Variants in PSMD14 observed in about 807,000 individuals in gnomAD.
PSMD14 encodes proteasome 26S subunit, non-ATPase 14.
A neutral mutation model predicts 41.2 loss-of-function variants in PSMD14; 7 were observed. The ratio of observed to expected loss-of-function variants is 0.17; its 90% CI spans 0.10 to 0.32. PSMD14 has a LOEUF of 0.32. PSMD14 is among the 10% of genes least tolerant of loss of function. The pLI is 1.00. For missense variants in PSMD14, 139 were observed against 375.6 expected (o/e 0.37, Z 5.21); for synonymous variants, 114 against 122.3 (o/e 0.93, Z 0.45).
At chr2:161,337,050 A>T (rs1374502663) in intron 3 of PSMD14, among the ~76,000 whole-genome samples, 1 of 152,224 alleles carries the variant, frequency 6.6e-6, no homozygotes, top group Non-Finnish European at 1.5e-5. Context: ...AGAAAAATTA[A>T]TCTTTTAAAA....
chr2:161,380,029 G>A lies in PSMD14; in HGVS notation c.463-5435G>A, dbSNP rs116438683. ...AGTCATGCGCTCCACAGCAGGTTCT[G>A]TTGAAAGATCTGAGCTGGGCAACTC... On this transcript the variant is annotated intron_variant, in intron 7 of 11. Coordinates refer to ENST00000409682, the MANE Select transcript of PSMD14 (RefSeq NM_005805.6). Among the ~76,000 whole-genome samples the A allele has an allele frequency of 9.0e-3, 1,363 of 152,138 alleles. 21 individuals carry two copies. The highest frequency in any genetic ancestry group is 0.031 in the African/African-American group (1,295 of 41,542).
rs1553508201 is a variant in PSMD14 at position 161,389,891 on chromosome 2, T to TGTTG, written c.571-1213_571-1212insGTTG. On this transcript the variant is annotated intron_variant, in intron 8 of 11. Coordinates refer to ENST00000409682, the MANE Select transcript of PSMD14 (RefSeq NM_005805.6). The stretch of plus-strand genomic sequence containing the variant: ...TCTTATTTTCTTTCTTTTTTGTTGT[T>TGTTG]TTTTTTTTTTTTTTTTTTTTTAGAG... 3.2e-4 allele frequency among the ~76,000 whole-genome samples: 23 copies of TGTTG among 71,922 alleles called. 1 individual carries two copies. The highest frequency in any genetic ancestry group is 1.1e-3 in the African/African-American group (19 of 17,348). 47.2% of individuals were successfully genotyped at this position (71,922 alleles called of 152,430 possible). A position where few individuals can be genotyped will look rare whatever the true frequency, so the allele number is the denominator to read the frequency against.
intron 3 of PSMD14, among the ~76,000 whole-genome samples, chr2:161,332,178 T>C (rs1682803327): frequency 6.6e-6 from 1 of 152,254 alleles, no homozygotes; most frequent in South Asian, 2.1e-4. Context: ...ACTTGGCCCA[T>C]GTTTTAAGAC....
At chr2:161,341,367 G>A in intron 3 of PSMD14, 1 of 962,464 alleles carries the variant, frequency 1.0e-6, no homozygotes, top group Non-Finnish European at 1.2e-6. Flanking sequence ...GCGACCCCGA[G>A]GGATCCCGCC....
At chr2:161,379,111 AT>A (rs1421487752) in intron 7 of PSMD14, among the ~76,000 whole-genome samples, 1 of 151,836 alleles carries the variant, frequency 6.6e-6, no homozygotes, top group Non-Finnish European at 1.5e-5. Flanking sequence ...AGGGCCCTTT[AT>A]TGCTTTGCTT....
At chr2:161,398,146 T>C (rs1683826304) in intron 10 of PSMD14, among the ~76,000 whole-genome samples, 1 of 152,122 alleles carries the variant, frequency 6.6e-6, no homozygotes, top group Non-Finnish European at 1.5e-5. Context: ...GGTTATAAAA[T>C]GAAAACAATG....
chr2:161,357,034 A>G (rs900266270), intron 3 of PSMD14, among the ~76,000 whole-genome samples: 4 of 142,436 alleles, frequency 2.8e-5, no homozygotes, highest in Non-Finnish European at 6.0e-5. Context: ...AGTAGGTAAC[A>G]CTTTGAGGCA....
chr2:161,330,511 T>C (rs1682772733), intron 3 of PSMD14, among the ~76,000 whole-genome samples: 1 of 152,240 alleles, frequency 6.6e-6, no homozygotes, highest in Non-Finnish European at 1.5e-5. Context: ...ATCTTAAACT[T>C]GCATAATTTA....
chr2:161,360,082 A>G (rs1054395059), intron 3 of PSMD14, among the ~76,000 whole-genome samples: 1 of 152,144 alleles, frequency 6.6e-6, no homozygotes, highest in Non-Finnish European at 1.5e-5. Context: ...AGCCTGAAAA[A>G]TTCCAGATTT....
chr2:161,408,793 A>G, intron 10 of PSMD14, 44 bp from the exon 11 acceptor site: 1 of 1,462,372 alleles, frequency 6.8e-7, no homozygotes, highest in Non-Finnish European at 9.5e-7. Context: ...GTGGGAATAG[A>G]GGATTTATAA....
intron 5 of PSMD14, among the ~76,000 whole-genome samples, chr2:161,368,207 G>A (rs1444486295): frequency 2.0e-5 from 3 of 152,010 alleles, no homozygotes; most frequent in Non-Finnish European, 4.4e-5. Context: ...CAGAGTGTTA[G>A]TTTGATTTTG....
At chr2:161,390,697 T>G (rs1683699540) in intron 8 of PSMD14, among the ~76,000 whole-genome samples, 1 of 152,188 alleles carries the variant, frequency 6.6e-6, no homozygotes, top group South Asian at 2.1e-4. Flanking sequence ...TCCAGATTAA[T>G]GTGGGTAAAG....
chr2:161,388,061 A>AT (rs57407438), intron 8 of PSMD14, among the ~76,000 whole-genome samples: 2 of 152,050 alleles, frequency 1.3e-5, no homozygotes, highest in Non-Finnish European at 2.9e-5. Flanking sequence ...TAGTAACTAA[A>AT]TTTTTTAAAC....
At chr2:161,358,130 T>C (rs560922375) in intron 3 of PSMD14, among the ~76,000 whole-genome samples, 1 of 152,274 alleles carries the variant, frequency 6.6e-6, no homozygotes, top group Admixed American at 6.5e-5. Context: ...TATATCATTA[T>C]ATAATTTTTT....
In PSMD14 at chr2:161,333,808, G is replaced by A. The variant is rs373205422; in HGVS notation, c.48+14935G>A. On this transcript the variant is annotated intron_variant, in intron 3 of 11. Coordinates refer to ENST00000409682, the MANE Select transcript of PSMD14 (RefSeq NM_005805.6). ...AGCACTTTGGGAGGCCAAGGCAGGC[G>A]GATCACCAGGTCAGGAGTTCGAGAC... 2.0e-3 allele frequency among the ~76,000 whole-genome samples: 303 copies of A among 152,232 alleles called. 1 individual carries two copies. Among genetic ancestry groups the A allele is most frequent in the Middle Eastern group, 6.8e-3 (2 of 294 alleles).
At chr2:161,311,538 T>C (rs1378888404) in intron 1 of PSMD14, among the ~76,000 whole-genome samples, 1 of 151,678 alleles carries the variant, frequency 6.6e-6, no homozygotes, top group East Asian at 1.9e-4. Context: ...TTTGGTATCC[T>C]GGAACCAATT....
chr2:161,374,947 A>C (rs1476917924), intron 7 of PSMD14, among the ~76,000 whole-genome samples: 1 of 152,062 alleles, frequency 6.6e-6, no homozygotes, highest in Non-Finnish European at 1.5e-5. Flanking sequence ...CCAGCTAACT[A>C]ACTCCTAACA....
At chr2:161,321,134 G>A (rs1682577912) in intron 3 of PSMD14, among the ~76,000 whole-genome samples, 3 of 152,122 alleles carry the variant, frequency 2.0e-5, no homozygotes, top group Admixed American at 2.0e-4. Flanking sequence ...ACACAAATTG[G>A]CCCTTCTCTC....
intron 10 of PSMD14, among the ~76,000 whole-genome samples, chr2:161,401,778 C>CATCATT: frequency 6.6e-6 from 1 of 150,950 alleles, no homozygotes; most frequent in East Asian, 1.9e-4. Flanking sequence ...ATGCATTTGA[C>CATCATT]ATTATTATTA....
Sources: allele counts gnomAD v4.1 joint callset (sites outside exome capture counted in the v4.1 genomes callset), GRCh38; gene constraint gnomAD v4.1.1; transcripts MANE v1.5; gene names NCBI Gene and HGNC (gene_info 2026-07-23, HGNC 2026-07-21).